Variants in GXYLT2 observed in about 807,000 individuals in gnomAD.
GXYLT2 encodes glucoside xylosyltransferase 2, also known as glycosyltransferase 8 domain containing 4.
Under a neutral mutation model 45.8 loss-of-function variants are expected in GXYLT2, and 53 were observed. The ratio of observed to expected loss-of-function variants is 1.16; its 90% CI spans 0.93 to 1.46. The LOEUF is 1.46. Ranked by LOEUF, GXYLT2 falls within the 40% of genes most tolerant of loss-of-function variation. The pLI, the probability that GXYLT2 is intolerant of heterozygous loss-of-function variation, is 0.00. For synonymous variants in GXYLT2, 219 were observed against 214.2 expected (o/e 1.02, Z -0.19); for missense variants, 551 against 544.4 (o/e 1.01, Z -0.12).
intron 1 of GXYLT2, among the ~76,000 whole-genome samples, chr3:72,898,734 CTTTTCTTTTT>C (rs752847507): frequency 6.0e-5 from 9 of 149,176 alleles, no homozygotes; most frequent in Non-Finnish European, 1.3e-4. Flanking sequence ...TTTTTCTTTT[CTTTTCTTTTT>C]TTTTCAGATG....
In GXYLT2 at chr3:72,966,458, C is replaced by CTTTTT. The variant is rs10662974; in HGVS notation, c.977-1072_977-1068dup. 8.7e-4 allele frequency among the ~76,000 whole-genome samples: 88 copies of CTTTTT among 101,602 alleles called. 4 individuals carry two copies. Among genetic ancestry groups the CTTTTT allele is most frequent in the African/African-American group, 2.1e-3 (52 of 25,084 alleles). The allele number at this position is 101,602 out of a possible 152,430, so 66.7% of individuals were successfully genotyped here. On this transcript the variant is annotated intron_variant, in intron 5 of 6. Coordinates refer to ENST00000389617, the MANE Select transcript of GXYLT2 (RefSeq NM_001080393.2). Reference sequence around the variant, plus strand: ...ATTTTTGACATTTTTTTGTGTGTATCTTTTTTTTTTTTTTTTTTTTTGATA... The same window carrying CTTTTT: ...ATTTTTGACATTTTTTTGTGTGTATCTTTTTTTTTTTTTTTTTTTTTTTTTTGATA...
intron 1 of GXYLT2, among the ~76,000 whole-genome samples, chr3:72,899,061 T>G (rs78035884): frequency 0.024 from 3,594 of 152,268 alleles, 134 homozygotes; most frequent in African/African-American, 0.08. Flanking sequence ...CTTACTTGTA[T>G]GTGGTTCCAA....
Position 72,915,662 on chromosome 3 carries a change from C to T in GXYLT2, c.469-6542C>T, listed in dbSNP as rs534695028. Among the ~76,000 whole-genome samples, 5 of 152,122 alleles carry T rather than the reference C, an allele frequency of 3.3e-5. No individual in the cohort carries two copies. The East Asian group carries it at 9.7e-4, about 29-fold the overall frequency. On this transcript the variant is annotated intron_variant, in intron 2 of 6. Transcript: ENST00000389617. ...GACCAGCCTGGCCAACATGGTGAAACCCCGTCTCTACTAAAAATACAAAAA... is the reference window on the plus strand; with the variant it reads ...GACCAGCCTGGCCAACATGGTGAAATCCCGTCTCTACTAAAAATACAAAAA...
At chr3:72,952,714 C>CAG (rs141811495) in intron 3 of GXYLT2, among the ~76,000 whole-genome samples, 7 of 151,212 alleles carry the variant, frequency 4.6e-5, no homozygotes, top group South Asian at 2.1e-4. Flanking sequence ...CCTCACATGG[C>CAG]AGAGAGAGAG....
intron 3 of GXYLT2, among the ~76,000 whole-genome samples, chr3:72,931,638 C>T (rs962462335): frequency 6.6e-6 from 1 of 152,020 alleles, no homozygotes; most frequent in Non-Finnish European, 1.5e-5. Context: ...AGACACCTAA[C>T]ACAGGGTTTA....
chr3:72,918,117 C>T (rs1174041485), intron 2 of GXYLT2, among the ~76,000 whole-genome samples: 1 of 152,170 alleles, frequency 6.6e-6, no homozygotes, highest in Non-Finnish European at 1.5e-5. Context: ...AATATATAAA[C>T]AAATGGGTGT....
intron 3 of GXYLT2, among the ~76,000 whole-genome samples, chr3:72,948,735 G>T (rs1710458821): frequency 6.6e-6 from 1 of 151,852 alleles, no homozygotes; most frequent in African/African-American, 2.4e-5. Flanking sequence ...TACTTGGGAG[G>T]CTGAGGCAGG....
chr3:72,926,544 A>C (rs1709921384), intron 3 of GXYLT2, among the ~76,000 whole-genome samples: 1 of 152,252 alleles, frequency 6.6e-6, no homozygotes, highest in African/African-American at 2.4e-5. Flanking sequence ...TTATTTTCTT[A>C]GTACAGGCCA....
At position 72,960,014 on chromosome 3, in the gene GXYLT2, C is replaced by T. The variant is rs541687949; in HGVS notation, c.976+2662C>T. Among the ~76,000 whole-genome samples, 6 of 152,244 alleles carry T rather than the reference C, an allele frequency of 3.9e-5. No homozygotes were observed. The South Asian group carries it at 6.2e-4, about 16-fold the overall frequency. ...AGGCTGGAGTGTGGTGGCACGATCT[C>T]GGCTCACTGCAACCTCTGCCTCCTG... On this transcript the variant is annotated intron_variant, in intron 5 of 6. Transcript: ENST00000389617.
chr3:72,947,449 G>A (rs1257682366), intron 3 of GXYLT2, among the ~76,000 whole-genome samples: 2 of 152,150 alleles, frequency 1.3e-5, no homozygotes, highest in Non-Finnish European at 2.9e-5. Context: ...AGAGGTAGAC[G>A]GAGTGTGTAT....
chr3:72,893,897 C>CT (rs1288066135), intron 1 of GXYLT2, among the ~76,000 whole-genome samples: 11 of 151,476 alleles, frequency 7.3e-5, no homozygotes, highest in African/African-American at 1.5e-4. Flanking sequence ...AAGGGAGTGT[C>CT]TAAGCCCACC....
intron 5 of GXYLT2, 114 bp from the exon 6 acceptor site, chr3:72,967,433 G>A: frequency 1.3e-6 from 1 of 797,728 alleles, no homozygotes; most frequent in South Asian, 1.9e-5. Flanking sequence ...TCACACTCCT[G>A]TACTTTGAAA....
intron 6 of GXYLT2, among the ~76,000 whole-genome samples, chr3:72,972,143 C>T (rs185032480): frequency 4.1e-4 from 63 of 152,042 alleles, no homozygotes; most frequent in Admixed American, 9.8e-4. Context: ...GTTTCAGGTG[C>T]TCATAGACAT....
chr3:72,921,536 C>G (rs1432875732), intron 2 of GXYLT2, among the ~76,000 whole-genome samples: 1 of 152,154 alleles, frequency 6.6e-6, no homozygotes, highest in Admixed American at 6.5e-5. Flanking sequence ...CAAAGCAATT[C>G]TCGTGTCTCA....
chr3:72,941,537 G>A lies in GXYLT2; in HGVS notation c.601-13561G>A, dbSNP rs372899917. 1.3e-4 allele frequency among the ~76,000 whole-genome samples: 20 copies of A among 152,064 alleles called. No individual in the cohort carries two copies. The South Asian group carries it at 2.5e-3, about 19-fold the overall frequency. ...GGAGACAATAACCTGGCCATTCTACGCCCCTACCTCCAGCCTCACTTATTA... is the reference window on the plus strand; with the variant it reads ...GGAGACAATAACCTGGCCATTCTACACCCCTACCTCCAGCCTCACTTATTA... On this transcript the variant is annotated intron_variant, in intron 3 of 6. Transcript: ENST00000389617.
chr3:72,964,113 G>A (rs560666666), intron 5 of GXYLT2, among the ~76,000 whole-genome samples: 23 of 151,902 alleles, frequency 1.5e-4, no homozygotes, highest in Admixed American at 4.6e-4. Flanking sequence ...CCCGGCCTTG[G>A]CTTCTCTTTA....
intron 3 of GXYLT2, among the ~76,000 whole-genome samples, chr3:72,932,094 G>A (rs116820462): frequency 0.012 from 1,853 of 149,818 alleles, 41 homozygotes; most frequent in African/African-American, 0.039. Flanking sequence ...TTGAGATGGA[G>A]TTTTCTGGAG....
At chr3:72,937,742 T>G (rs1367343175) in intron 3 of GXYLT2, among the ~76,000 whole-genome samples, 1 of 152,178 alleles carries the variant, frequency 6.6e-6, no homozygotes, top group Non-Finnish European at 1.5e-5. Context: ...AAAATTCCCC[T>G]GAACCTTCCA....
Position 72,888,131 on chromosome 3 carries a change from C to A in GXYLT2, c.-103C>A. On this transcript the variant is annotated 5_prime_UTR_variant, in exon 1 of 7. Coordinates refer to ENST00000389617, the MANE Select transcript of GXYLT2 (RefSeq NM_001080393.2). ...ACGACCCCAGTCCCCGGCGGGCGGG[C>A]GGAGGAGGCGACCGCCGCGCGCTGC... The A allele has an allele frequency of 1.3e-6, 1 of 780,506 alleles. No individual in the cohort carries two copies. Among genetic ancestry groups the A allele is most frequent in the Non-Finnish European group, 1.5e-6 (1 of 645,292 alleles). 48.3% of individuals were successfully genotyped at this position (780,506 alleles called of 1,614,324 possible).
Sources: gnomAD v4.1 joint callset for allele counts (sites outside exome capture counted in the v4.1 genomes callset) on GRCh38, gnomAD v4.1.1 for gene constraint, MANE v1.5 for transcripts, NCBI Gene and HGNC (gene_info 2026-07-23, HGNC 2026-07-21) for gene names.